Variants in BCL2 observed in about 807,000 individuals in gnomAD.
BCL2 encodes BCL2 apoptosis regulator, also known as apoptosis regulator Bcl-2.
Under a neutral mutation model 14.2 loss-of-function variants are expected in BCL2, and 1 was observed. The ratio of observed to expected loss-of-function variants is 0.07; its 90% CI spans 0.02 to 0.33. The LOEUF (loss-of-function observed/expected upper bound fraction) is 0.33, where lower values mean the gene tolerates loss of function less well. Among genes scored for constraint, BCL2 ranks in the 10% least tolerant of loss-of-function variants. The pLI is 0.99. For synonymous variants in BCL2, 151 were observed against 137.2 expected, an observed-to-expected ratio of 1.10 and a Z score of -0.70; for missense variants, 247 against 305.9, an observed-to-expected ratio of 0.81 and a Z score of 1.44.
intron 2 of BCL2, among the ~76,000 whole-genome samples, chr18:63,129,688 C>T (rs1470241895): frequency 6.6e-6 from 1 of 152,210 alleles, no homozygotes; most frequent in Non-Finnish European, 1.5e-5. Flanking sequence ...CAGAGCCAGG[C>T]TTTGAACCCA....
At chr18:63,265,929 A>G (rs771200940) in intron 2 of BCL2, among the ~76,000 whole-genome samples, 1 of 152,210 alleles carries the variant, frequency 6.6e-6, no homozygotes, top group Non-Finnish European at 1.5e-5. Context: ...GGCAAGGGTG[A>G]GGCTAAGAAG....
intron 2 of BCL2, among the ~76,000 whole-genome samples, chr18:63,222,256 T>A (rs1599254320): frequency 1.8e-5 from 2 of 113,314 alleles, no homozygotes; most frequent in African/African-American, 3.5e-5. Flanking sequence ...CCTGGGCAAC[T>A]AAGTGAGACT....
intron 2 of BCL2, among the ~76,000 whole-genome samples, chr18:63,227,074 TATGAGAGAGAGAGAGAG>T (rs1011788058): frequency 6.6e-6 from 1 of 151,312 alleles, no homozygotes. Context: ...TTTAAAGCAA[TATGAGAGAGAGAGAGAG>T]AACCCTCTAA....
intron 2 of BCL2, among the ~76,000 whole-genome samples, chr18:63,308,559 G>T (rs1183575831): frequency 6.6e-6 from 1 of 152,178 alleles, no homozygotes; most frequent in Admixed American, 6.5e-5. Flanking sequence ...CAACCAGCAG[G>T]CTGGTATCTA....
intron 2 of BCL2, among the ~76,000 whole-genome samples, chr18:63,131,664 G>A (rs1298388610): frequency 6.6e-6 from 1 of 152,210 alleles, no homozygotes; most frequent in Admixed American, 6.5e-5. Context: ...CCCCAAATTT[G>A]TCAGGGCACT....
Position 63,309,132 on chromosome 18 carries a change from A to C in BCL2, c.585+8950T>G, listed in dbSNP as rs1027317526. On this transcript the variant is annotated intron_variant, in intron 2 of 2. Coordinates refer to ENST00000333681, the MANE Select transcript of BCL2 (RefSeq NM_000633.3). ...AGCTGCAGGTTAACCACCTTAACCC[A>C]ATCCATGCAAGTCTACAGATTACCT... 5.3e-5 allele frequency among the ~76,000 whole-genome samples: 8 copies of C among 152,244 alleles called. No homozygotes were observed. The East Asian group carries it at 1.3e-3, about 26-fold the overall frequency.
chr18:63,249,285 A>G (rs1255108415), intron 2 of BCL2, among the ~76,000 whole-genome samples: 1 of 152,060 alleles, frequency 6.6e-6, no homozygotes, highest in Admixed American at 6.5e-5. Flanking sequence ...CCTTCACCAT[A>G]TAAGATTGTG....
Position 63,158,129 on chromosome 18 carries a change from A to G in BCL2, c.586-29370T>C, listed in dbSNP as rs569567878. On this transcript the variant is annotated intron_variant, in intron 2 of 2. Coordinates refer to ENST00000333681, the MANE Select transcript of BCL2 (RefSeq NM_000633.3). ...AGGAGGGTCACAAGCTGTACCCCAG[A>G]GGCTCGGGAGGCACCACTCGGTAGG... Among the ~76,000 whole-genome samples, 3 of 152,154 alleles carry G rather than the reference A, an allele frequency of 2.0e-5. No homozygotes were observed. The East Asian group carries it at 5.8e-4, about 29-fold the overall frequency.
intron 2 of BCL2, among the ~76,000 whole-genome samples, chr18:63,261,790 T>A (rs1911666896): frequency 1.3e-5 from 2 of 149,928 alleles, no homozygotes; most frequent in Admixed American, 1.3e-4. Context: ...TGTTATTTTT[T>A]CTTTTTTTTT....
intron 2 of BCL2, among the ~76,000 whole-genome samples, chr18:63,286,300 G>T (rs1912471798): frequency 1.3e-5 from 2 of 152,194 alleles, no homozygotes; most frequent in African/African-American, 4.8e-5. Context: ...TTACACAGTT[G>T]GGGGCAGGGG....
chr18:63,277,215 GC>G (rs1196846605), intron 2 of BCL2, among the ~76,000 whole-genome samples: 1 of 152,078 alleles, frequency 6.6e-6, no homozygotes, highest in East Asian at 1.9e-4. Flanking sequence ...ATTTATCAGA[GC>G]TCAACATTAC....
intron 2 of BCL2, among the ~76,000 whole-genome samples, chr18:63,281,502 C>T (rs1912307231): frequency 6.6e-6 from 1 of 151,562 alleles, no homozygotes; most frequent in South Asian, 2.1e-4. Context: ...CCTGTCTCTA[C>T]AAAAAAATAC....
intron 2 of BCL2, among the ~76,000 whole-genome samples, chr18:63,226,712 T>C (rs538124081): frequency 6.6e-6 from 1 of 152,182 alleles, no homozygotes; most frequent in East Asian, 1.9e-4. Context: ...CATGTGTTTA[T>C]AGGAGCTTGG....
rs1283917484 is a variant in BCL2 at position 63,149,090 on chromosome 18, G to A, written c.586-20331C>T. Among the ~76,000 whole-genome samples the A allele has an allele frequency of 1.3e-5, 2 of 152,184 alleles. No individual in the cohort carries two copies. Among genetic ancestry groups the A allele is most frequent in the Non-Finnish European group, 2.9e-5 (2 of 68,042 alleles). On this transcript the variant is annotated intron_variant, in intron 2 of 2. Coordinates refer to ENST00000333681, the MANE Select transcript of BCL2 (RefSeq NM_000633.3). The surrounding 1 kb of genome is among the most constrained non-coding windows in gnomAD (Gnocchi z 4.2). ...GCGACGTGCTTATGCTGACACCTCT[G>A]TCTCTTTGATAACGTTTACATTATG... is the stretch of plus-strand genomic sequence containing the variant.
intron 2 of BCL2, among the ~76,000 whole-genome samples, chr18:63,305,948 ACCTGTAGTCC>A (rs1913116869): frequency 6.6e-6 from 1 of 151,914 alleles, no homozygotes; most frequent in Admixed American, 6.6e-5. Context: ...GGTGGCATGC[ACCTGTAGTCC>A]CAGCTACTCA....
At chr18:63,296,722 G>C (rs199664097) in intron 2 of BCL2, among the ~76,000 whole-genome samples, 2 of 152,280 alleles carry the variant, frequency 1.3e-5, no homozygotes, top group East Asian at 3.9e-4. Context: ...GCCCAGCTCA[G>C]CAGACTGACA....
intron 2 of BCL2, among the ~76,000 whole-genome samples, chr18:63,211,510 T>C (rs1910002806): frequency 6.6e-6 from 1 of 152,224 alleles, no homozygotes; most frequent in Non-Finnish European, 1.5e-5. Context: ...GCTATCTATA[T>C]ATTTTTAAGT....
chr18:63,236,264 C>T (rs917674574), intron 2 of BCL2, among the ~76,000 whole-genome samples: 6 of 152,144 alleles, frequency 3.9e-5, no homozygotes, highest in Non-Finnish European at 7.4e-5. Flanking sequence ...TACCCAGTCT[C>T]GGGTATTTCT....
chr18:63,308,813 T>G (rs1025624798), intron 2 of BCL2, among the ~76,000 whole-genome samples: 1 of 152,148 alleles, frequency 6.6e-6, no homozygotes, highest in African/African-American at 2.4e-5. Flanking sequence ...GAAAATTAGC[T>G]GCTTAGGATG....
Sources: allele counts gnomAD v4.1 joint callset (sites outside exome capture counted in the v4.1 genomes callset), GRCh38; gene constraint gnomAD v4.1.1; non-coding constraint Gnocchi (gnomAD v3.1); transcripts MANE v1.5; gene names NCBI Gene and HGNC (gene_info 2026-07-23, HGNC 2026-07-21).